Variants in GPR75 observed in about 807,000 individuals in gnomAD.
The protein encoded by GPR75 is probable G protein-coupled receptor 75.
In GPR75, 27 loss-of-function variants were observed where a neutral mutation model predicts 26.0. The ratio of observed to expected loss-of-function variants is 1.04; its 90% CI spans 0.77 to 1.43. The LOEUF is 1.43. Among genes scored for constraint, GPR75 ranks in the 40% most tolerant of loss-of-function variants. The probability of loss-of-function intolerance (pLI) is 0.00; values close to 1 mark genes in which losing one functional copy is unlikely to be tolerated. For synonymous variants in GPR75, 285 were observed against 256.3 expected, an observed-to-expected ratio of 1.11 and a Z score of -1.07; for missense variants, 699 against 662.3, an observed-to-expected ratio of 1.06 and a Z score of -0.61.
rs139634900 is a variant in GPR75, at chr2:53,854,607, C to A, written c.150G>T (p.Ala50=). 1 of 1,613,764 alleles carries A rather than the reference C, an allele frequency of 6.2e-7. No individual in the cohort carries two copies. Among genetic ancestry groups the A allele is most frequent in the African/African-American group, 1.3e-5 (1 of 74,844 alleles). ...CATAGGAACCCAGGCAGAAGATGAC[C>A]GCCAGTAGAAAAGTACAGGTCACCA... ...ATLVTCTFLL[A]VIFCLGSYGN... The change falls in exon 2 of 2, where the codon GCG becomes GCT. Residue 50 remains alanine, a synonymous_variant. Coordinates refer to ENST00000394705, the MANE Select transcript of GPR75 (RefSeq NM_006794.4).
intron 1 of GPR75, among the ~76,000 whole-genome samples, chr2:53,858,402 GACACAC>G (rs61090357): frequency 0.17 from 24,544 of 145,018 alleles, 2,193 homozygotes; most frequent in African/African-American, 0.24. Flanking sequence ...GATACAGATA[GACACAC>G]ACACACACAC....
At chr2:53,855,620 G>C (rs927199050) in intron 1 of GPR75, among the ~76,000 whole-genome samples, 1 of 152,076 alleles carries the variant, frequency 6.6e-6, no homozygotes, top group Non-Finnish European at 1.5e-5. Context: ...TGAAAGGTCG[G>C]GGGTATGGAG....
In GPR75 at chr2:53,853,229, T is replaced by C; in HGVS notation, c.1528A>G (p.Asn510Asp). Residue 510 changes from asparagine (N) to aspartate (D), a missense_variant, in exon 2 of 2, where the codon AAT becomes GAT. Coordinates refer to ENST00000394705, the MANE Select transcript of GPR75 (RefSeq NM_006794.4). ...TGATAATGCATGGCAATATATGAAT[T>C]GGCAAATCCAAAAGAGTTTACTGGC... ...LQPVNSFGFA[N>D]SYIAMHYHTT... 1 of 1,614,070 alleles carries C rather than the reference T, an allele frequency of 6.2e-7. No individual in the cohort carries two copies. The highest frequency in any genetic ancestry group is 8.5e-7 in the Non-Finnish European group (1 of 1,179,932).
chr2:53,859,764 A>T (rs1193129010), intron 1 of GPR75, 64 bp downstream of exon 1: 3 of 1,294,076 alleles, frequency 2.3e-6, no homozygotes, highest in Non-Finnish European at 2.1e-6. Flanking sequence ...CTATCCCGCC[A>T]GCCTCCGGGA....
In GPR75 at chr2:53,854,855, G is replaced by T. The variant is rs1313774113; in HGVS notation, c.-99C>A. On this transcript the variant is annotated 5_prime_UTR_variant, in exon 2 of 2. Coordinates refer to ENST00000394705, the MANE Select transcript of GPR75 (RefSeq NM_006794.4). ...GCAATATGTGACAAAAGAGGCCCAA[G>T]ACAGATAAGCCTACACACAAAAATG... 1.6e-5 allele frequency: 14 copies of T among 875,600 alleles called. No individual in the cohort carries two copies. The highest frequency in any genetic ancestry group is 2.3e-5 in the Non-Finnish European group (13 of 555,998). The allele number at this position is 875,600 out of a possible 1,614,324, so 54.2% of individuals were successfully genotyped here. A position where few individuals can be genotyped will look rare whatever the true frequency, so the allele number is the denominator to read the frequency against.
At position 53,853,823 on chromosome 2, in the gene GPR75, A is replaced by G; in HGVS notation, c.934T>C (p.Ser312Pro). 1 of 1,614,138 alleles carries G rather than the reference A, an allele frequency of 6.2e-7. No individual in the cohort carries two copies. Residue 312 changes from serine to proline, a missense_variant, in exon 2 of 2, where the codon TCC becomes CCC. By Grantham distance (74) the Ser-to-Pro change is moderately conservative. Transcript: ENST00000394705. ...ACGGCTTTGGAATCCTTGGCAGTGG[A>G]GAGGTTGATGGCTGATACGAGCTGG... The part of the protein sequence containing the change: ...RLQLVSAINL[S>P]TAKDSKAVVT...
chr2:53,853,290 G>A lies in GPR75; in HGVS notation c.1467C>T (p.Ser489=). The change falls in exon 2 of 2, where the codon AGC becomes AGT. Residue 489 remains serine (S), a synonymous_variant. Transcript: ENST00000394705. Reference sequence around the variant, plus strand: ...ATGGGCTGCTCTCCTCCTGGGAAGGGCTGCTGTTATAGATGCTGTAGTAAG... The same window carrying A: ...ATGGGCTGCTCTCCTCCTGGGAAGGACTGCTGTTATAGATGCTGTAGTAAG... ...IEPYYSIYNS[S]PSQEESSPCN... 3 of 1,614,178 alleles carry A rather than the reference G, an allele frequency of 1.9e-6. No homozygotes were observed. Among genetic ancestry groups the A allele is most frequent in the African/African-American group, 2.7e-5 (2 of 75,036 alleles).
At chr2:53,854,921 G>T in intron 1 of GPR75, 56 bp from the exon 2 acceptor site, 1 of 604,298 alleles carries the variant, frequency 1.7e-6, no homozygotes, top group East Asian at 2.7e-5. Flanking sequence ...GAAACAGAAA[G>T]GAATTCATAC....
At position 53,853,545 on chromosome 2, in the gene GPR75, CT is replaced by C; in HGVS notation, c.1211del (p.Lys404ArgfsTer53). On this transcript the variant is annotated frameshift_variant, in exon 2 of 2. Transcript: ENST00000394705. LOFTEE classifies it high-confidence loss of function. ...CTTTTCCCATGGCTCGAAGTCGAGT[CT>C]TTTGTTTGCAGCAGAAAAAACCCAG... ...IGLGFFCCKQ[K>X]TRLRAMGKGN... The C allele has an allele frequency of 6.2e-7, 1 of 1,614,092 alleles. No homozygotes were observed. Among genetic ancestry groups the C allele is most frequent in the Non-Finnish European group, 8.5e-7 (1 of 1,180,028 alleles).
rs1200226949 is a variant in GPR75 at position 53,859,944 on chromosome 2, G to GC, written c.-227dup. 1.3e-6 allele frequency: 2 copies of GC among 1,489,544 alleles called. No homozygotes were observed. The highest frequency in any genetic ancestry group is 1.8e-6 in the Non-Finnish European group (2 of 1,124,142). The allele number at this position is 1,489,544 out of a possible 1,614,324, so 92.3% of individuals were successfully genotyped here. On this transcript the variant is annotated 5_prime_UTR_variant, in exon 1 of 2. The change creates a premature stop within an existing upstream ORF in the 5' untranslated region. Coordinates refer to ENST00000394705, the MANE Select transcript of GPR75 (RefSeq NM_006794.4). ...TCATCGCCATCGCCACCGCCTCCGCGCATCCCGGGAGCCGCGGCAAGACGC... is the reference window on the plus strand; with the variant it reads ...TCATCGCCATCGCCACCGCCTCCGCGCCATCCCGGGAGCCGCGGCAAGACGC...
rs748071555 is a variant in GPR75 at position 53,854,761 on chromosome 2, G to A, written c.-5C>T. The A allele has an allele frequency of 1.0e-5, 16 of 1,605,980 alleles. No individual in the cohort carries two copies. The highest frequency in any genetic ancestry group is 7.7e-5 in the South Asian group (7 of 90,468). On this transcript the variant is annotated 5_prime_UTR_variant, in exon 2 of 2. Coordinates refer to ENST00000394705, the MANE Select transcript of GPR75 (RefSeq NM_006794.4). Reference sequence around the variant, plus strand: ...AAGGTGGCCTGTTGAGTTCATTTTCGGAGAGAAATGTCTCCTTCTTCTGCT... The same window carrying A: ...AAGGTGGCCTGTTGAGTTCATTTTCAGAGAGAAATGTCTCCTTCTTCTGCT...
Position 53,854,332 on chromosome 2 carries a change from T to G in GPR75, c.425A>C (p.His142Pro). The G allele has an allele frequency of 6.2e-7, 1 of 1,614,050 alleles. No individual in the cohort carries two copies. The highest frequency in any genetic ancestry group is 8.5e-7 in the Non-Finnish European group (1 of 1,180,004). The change falls in exon 2 of 2, where the codon CAC becomes CCC. Residue 142 changes from histidine to proline, a missense_variant. By Grantham distance (77) the His-to-Pro change is moderately conservative (BLOSUM62 -2). Coordinates refer to ENST00000394705, the MANE Select transcript of GPR75 (RefSeq NM_006794.4). ...SLKTVAVIAL[H>P]RLRMVLGKQP... ...TTTCCCCAACACCATCCGGAGCCGG[T>G]GCAGGGCGATCACTGCCACTGTCTT... is the stretch of plus-strand genomic sequence containing the variant.
chr2:53,853,541 G>T lies in GPR75; in HGVS notation c.1216C>A (p.Arg406=). ...TTCCCTTTTCCCATGGCTCGAAGTCGAGTCTTTTGTTTGCAGCAGAAAAAA... is the reference window on the plus strand; with the variant it reads ...TTCCCTTTTCCCATGGCTCGAAGTCTAGTCTTTTGTTTGCAGCAGAAAAAA... The part of the protein sequence containing the change: ...LGFFCCKQKT[R]LRAMGKGNLE... The change falls in exon 2 of 2, where the codon CGA becomes AGA. Residue 406 remains arginine, a synonymous_variant. Coordinates refer to ENST00000394705, the MANE Select transcript of GPR75 (RefSeq NM_006794.4). 1 of 1,614,118 alleles carries T rather than the reference G, an allele frequency of 6.2e-7. No individual in the cohort carries two copies.
intron 1 of GPR75, among the ~76,000 whole-genome samples, chr2:53,857,952 A>C (rs1334025748): frequency 6.6e-6 from 1 of 152,172 alleles, no homozygotes; most frequent in African/African-American, 2.4e-5. Context: ...CATCATTATT[A>C]GTATATTAAT....
chr2:53,854,042 G>T lies in GPR75; in HGVS notation c.715C>A (p.Pro239Thr). The change falls in exon 2 of 2, where the codon CCC (proline) becomes ACC (threonine). Residue 239 changes from proline (P) to threonine (T), a missense_variant. Pro to Thr is a conservative substitution (Grantham distance 38). Transcript: ENST00000394705. ...LRKNAQVRKC[P>T]PVITVDASRP... ...GAAGCATCGACTGTGATTACAGGGG[G>T]GCACTTTCTGACTTGAGCGTTCTTC... The T allele has an allele frequency of 1.2e-6, 2 of 1,614,194 alleles. No homozygotes were observed. Among genetic ancestry groups the T allele is most frequent in the Non-Finnish European group, 1.7e-6 (2 of 1,180,032 alleles).
chr2:53,854,174 G>T lies in GPR75; in HGVS notation c.583C>A (p.Leu195Met). The T allele has an allele frequency of 6.2e-7, 1 of 1,614,120 alleles. No individual in the cohort carries two copies. Among genetic ancestry groups the T allele is most frequent in the South Asian group, 1.1e-5 (1 of 91,076 alleles). The change falls in exon 2 of 2, where the codon CTG (leucine) becomes ATG (methionine). Residue 195 changes from leucine to methionine, a missense_variant. Leu to Met is a conservative substitution (Grantham distance 15). Coordinates refer to ENST00000394705, the MANE Select transcript of GPR75 (RefSeq NM_006794.4). ...KSHLCLPMSS[L>M]IAGKGKAILS... is the part of the protein sequence containing the mutation. ...ATGGCTTTCCCTTTTCCAGCAATCA[G>T]ACTGGACATGGGAAGACAGAGGTGG...
At position 53,854,716 on chromosome 2, in the gene GPR75, G is replaced by A. The variant is rs776855671; in HGVS notation, c.41C>T (p.Thr14Ile). Residue 14 changes from threonine (T) to isoleucine (I), a missense_variant, in exon 2 of 2, where the codon ACC (threonine) becomes ATC (isoleucine). Physicochemically the swap from Thr to Ile is moderately conservative, Grantham distance 89 (BLOSUM62 -1). Transcript: ENST00000394705. ...TGHLQDAPNA[T>I]SLHVPHSQEG... is the part of the protein sequence containing the mutation. The stretch of plus-strand genomic sequence containing the variant: ...CTGTGAGTGAGGCACATGGAGCGAG[G>A]TGGCATTGGGGGCATCCTGAAGGTG... The A allele has an allele frequency of 6.2e-7, 1 of 1,614,044 alleles. No homozygotes were observed. Among genetic ancestry groups the A allele is most frequent in the Admixed American group, 1.7e-5 (1 of 60,008 alleles).
At position 53,854,023 on chromosome 2, in the gene GPR75, T is replaced by C; in HGVS notation, c.734A>G (p.Asp245Gly). The C allele has an allele frequency of 6.2e-7, 1 of 1,614,148 alleles. No homozygotes were observed. Among genetic ancestry groups the C allele is most frequent in the South Asian group, 1.1e-5 (1 of 91,078 alleles). The part of the protein sequence containing the change: ...VRKCPPVITV[D>G]ASRPQPFMGV... ...CATGAAAGGCTGTGGTCTGGAAGCA[T>C]CGACTGTGATTACAGGGGGGCACTT... The change falls in exon 2 of 2, where the codon GAT (aspartate) becomes GGT (glycine). Residue 245 changes from aspartate to glycine, a missense_variant. Physicochemically the swap from Asp to Gly is moderately conservative, Grantham distance 94. Coordinates refer to ENST00000394705, the MANE Select transcript of GPR75 (RefSeq NM_006794.4).
At chr2:53,859,521 C>A (rs916920600) in intron 1 of GPR75, among the ~76,000 whole-genome samples, 2 of 151,014 alleles carry the variant, frequency 1.3e-5, no homozygotes. Flanking sequence ...GGTGAGGTGA[C>A]GGTAAGGAGG....
Sources: allele counts gnomAD v4.1 joint callset (sites outside exome capture counted in the v4.1 genomes callset), GRCh38; gene constraint gnomAD v4.1.1; transcripts MANE v1.5; gene names NCBI Gene and HGNC (gene_info 2026-07-23, HGNC 2026-07-21).